TAOK1: variants seen among roughly 807,000 people sequenced by gnomAD.
TAOK1 encodes serine/threonine-protein kinase TAO1.
Under a neutral mutation model 138.3 loss-of-function variants are expected in TAOK1, and 21 were observed. The ratio of observed to expected loss-of-function variants is 0.15; its 90% CI spans 0.11 to 0.22. The LOEUF (loss-of-function observed/expected upper bound fraction) is 0.22, where lower values mean the gene tolerates loss of function less well. TAOK1 is among the 10% of genes least tolerant of loss of function. TAOK1 has a pLI of 1.00. For missense variants in TAOK1, 651 were observed against 1,227.7 expected, an observed-to-expected ratio of 0.53 and a Z score of 7.02; for synonymous variants, 361 against 398.4, an observed-to-expected ratio of 0.91 and a Z score of 1.12.
intron 1 of TAOK1, among the ~76,000 whole-genome samples, chr17:29,407,157 T>C (rs148554606): frequency 1.3e-3 from 195 of 152,122 alleles, no homozygotes; most frequent in African/African-American, 4.5e-3. Context: ...TAGGACTGAC[T>C]ATAGGCACAT....
rs1005551991 is a variant in TAOK1, at chr17:29,420,533, A to G, written c.-95+29509A>G. 2.0e-5 allele frequency among the ~76,000 whole-genome samples: 3 copies of G among 147,838 alleles called. No homozygotes were observed. The East Asian group carries it at 6.0e-4, about 30-fold the overall frequency. ...TGGCTAGCTCCTAAAGTACAGTGTG[A>G]GGGTGGATATCCTTGTCTTATTCCC... is the stretch of plus-strand genomic sequence containing the variant. On this transcript the variant is annotated intron_variant, in intron 1 of 19. Coordinates refer to ENST00000261716, the MANE Select transcript of TAOK1 (RefSeq NM_020791.4).
At chr17:29,468,985 A>G (rs762577865) in intron 3 of TAOK1, among the ~76,000 whole-genome samples, 2 of 152,322 alleles carry the variant, frequency 1.3e-5, no homozygotes, top group South Asian at 2.1e-4. Context: ...TATTAATGCT[A>G]CATTGAATGT....
At chr17:29,470,250 C>T (rs1468286447) in intron 3 of TAOK1, among the ~76,000 whole-genome samples, 4 of 152,108 alleles carry the variant, frequency 2.6e-5, no homozygotes, top group Non-Finnish European at 4.4e-5. Context: ...CATGAAGTAG[C>T]TTAAGACCAA....
chr17:29,416,685 A>C, intron 1 of TAOK1, among the ~76,000 whole-genome samples: 1 of 152,134 alleles, frequency 6.6e-6, no homozygotes, highest in East Asian at 1.9e-4. Flanking sequence ...TGAGTAAAAT[A>C]TTTTTAAGTA....
intron 2 of TAOK1, among the ~76,000 whole-genome samples, chr17:29,465,298 C>T (rs1451553914): frequency 1.3e-5 from 2 of 151,056 alleles, no homozygotes; most frequent in African/African-American, 2.4e-5. Flanking sequence ...GGATTACAGA[C>T]GTGCGCCACC....
intron 17 of TAOK1, among the ~76,000 whole-genome samples, chr17:29,526,571 A>G (rs893436370): frequency 6.6e-6 from 1 of 151,818 alleles, no homozygotes; most frequent in Non-Finnish European, 1.5e-5. Context: ...ATGCACCACC[A>G]CCTGGCTGAT....
intron 18 of TAOK1, among the ~76,000 whole-genome samples, chr17:29,533,684 T>A (rs1296402815): frequency 6.6e-6 from 1 of 151,504 alleles, no homozygotes; most frequent in Non-Finnish European, 1.5e-5. Flanking sequence ...ACCAAAAAAA[T>A]ACGAAAACCA....
chr17:29,428,534 GTTAC>G (rs1273986064), intron 1 of TAOK1, among the ~76,000 whole-genome samples: 3 of 152,284 alleles, frequency 2.0e-5, no homozygotes, highest in South Asian at 2.1e-4. Flanking sequence ...ATCTGGCTCT[GTTAC>G]TTAGTAGCTA....
intron 10 of TAOK1, among the ~76,000 whole-genome samples, chr17:29,492,332 A>G (rs1477913944): frequency 6.6e-6 from 1 of 152,218 alleles, no homozygotes; most frequent in Non-Finnish European, 1.5e-5. Flanking sequence ...TTTCTTAGAT[A>G]CTAAATTTTT....
chr17:29,399,746 T>C (rs1245070606), intron 1 of TAOK1, among the ~76,000 whole-genome samples: 1 of 152,134 alleles, frequency 6.6e-6, no homozygotes, highest in Non-Finnish European at 1.5e-5. Flanking sequence ...TTTTTCTTTC[T>C]TTGGGATAGA....
chr17:29,452,217 AAAAT>A (rs947602615), intron 2 of TAOK1, among the ~76,000 whole-genome samples: 10 of 152,250 alleles, frequency 6.6e-5, no homozygotes, highest in Admixed American at 5.2e-4. Flanking sequence ...CCTGTCACAA[AAAAT>A]AAATAAATAA....
rs2032487345 is a variant in TAOK1, at chr17:29,551,193, G to C, written c.*8171G>C. On this transcript the variant is annotated 3_prime_UTR_variant, in exon 20 of 20. Coordinates refer to ENST00000261716, the MANE Select transcript of TAOK1 (RefSeq NM_020791.4). ...ATTTTAGTTATTCCCACAAGTCAGG[G>C]GTCCAGATAAAATGAGGGTTATCAG... The C allele has an allele frequency of 6.6e-6, 1 of 152,028 alleles. No homozygotes were observed. The highest frequency in any genetic ancestry group is 6.6e-5 in the Admixed American group (1 of 15,246). 9.4% of individuals were successfully genotyped at this position (152,028 alleles called of 1,614,324 possible). A position where few individuals can be genotyped will look rare whatever the true frequency, so the allele number is the denominator to read the frequency against.
intron 1 of TAOK1, chr17:29,424,964 G>A (rs1387466392): frequency 6.6e-6 from 1 of 152,150 alleles, no homozygotes; most frequent in Admixed American, 6.6e-5. Flanking sequence ...CTGTGCTAAA[G>A]ATTAATGTGC....
intron 7 of TAOK1, 75 bp from the exon 8 acceptor site, chr17:29,482,122 G>A: frequency 9.2e-7 from 1 of 1,083,650 alleles, no homozygotes; most frequent in African/African-American, 1.6e-5. Flanking sequence ...TCTCCATGTA[G>A]ATGACTGTTA....
At chr17:29,459,689 A>C (rs1234758702) in intron 2 of TAOK1, among the ~76,000 whole-genome samples, 1 of 152,188 alleles carries the variant, frequency 6.6e-6, no homozygotes, top group South Asian at 2.1e-4. Context: ...GGCTGTTGTG[A>C]ATAGTGCTGC....
intron 1 of TAOK1, among the ~76,000 whole-genome samples, chr17:29,421,629 G>A (rs559578394): frequency 2.0e-5 from 3 of 151,896 alleles, no homozygotes; most frequent in Non-Finnish European, 4.4e-5. Context: ...TGTTTGTCTC[G>A]CTGTGTTCAC....
chr17:29,390,934 C>G lies in TAOK1; in HGVS notation c.-185C>G, dbSNP rs1206706116. On this transcript the variant is annotated 5_prime_UTR_variant, in exon 1 of 20. Transcript: ENST00000261716. ...CGATCTGTCGCCGGGCCCCCTCCTCCTCCTCACTCCTCACCCTCCAGGGTA... is the reference window on the plus strand; with the variant it reads ...CGATCTGTCGCCGGGCCCCCTCCTCGTCCTCACTCCTCACCCTCCAGGGTA... 3 of 152,348 alleles carry G rather than the reference C, an allele frequency of 2.0e-5. No homozygotes were observed. The highest frequency in any genetic ancestry group is 2.4e-5 in the African/African-American group (1 of 41,426). The allele number at this position is 152,348 out of a possible 1,614,324, so 9.4% of individuals were successfully genotyped here.
intron 1 of TAOK1, among the ~76,000 whole-genome samples, chr17:29,420,619 C>A (rs998988983): frequency 7.2e-6 from 1 of 139,580 alleles, no homozygotes; most frequent in African/African-American, 2.7e-5. Context: ...AAGTTTCGCT[C>A]TTGTTGCCCA....
chr17:29,521,710 G>A (rs558418762), intron 16 of TAOK1, among the ~76,000 whole-genome samples: 10 of 152,200 alleles, frequency 6.6e-5, no homozygotes, highest in Non-Finnish European at 1.3e-4. Context: ...AGCCTCCCGC[G>A]TAGCTGGGAC....
Sources: allele counts gnomAD v4.1 joint callset (sites outside exome capture counted in the v4.1 genomes callset), GRCh38; gene constraint gnomAD v4.1.1; transcripts MANE v1.5; gene names NCBI Gene and HGNC (gene_info 2026-07-23, HGNC 2026-07-21).